ATP2B2: variants seen among roughly 807,000 people sequenced by gnomAD.
ATP2B2 encodes ATPase plasma membrane Ca2+ transporting 2.
A neutral mutation model predicts 120.0 loss-of-function variants in ATP2B2; 15 were observed. The ratio of observed to expected loss-of-function variants is 0.12; its 90% confidence interval spans 0.08 to 0.19. The LOEUF (loss-of-function observed/expected upper bound fraction) is 0.19, where lower values mean the gene tolerates loss of function less well. Among genes scored for constraint, ATP2B2 ranks in the 10% least tolerant of loss-of-function variants. The pLI is 1.00. For missense variants in ATP2B2, 1,045 were observed against 1,719.8 expected, an observed-to-expected ratio of 0.61 and a Z score of 6.94; for synonymous variants, 694 against 700.3, an observed-to-expected ratio of 0.99 and a Z score of 0.14.
chr3:10,390,498 T>TTGTGTG (rs61552990), intron 5 of ATP2B2, among the ~76,000 whole-genome samples: 75 of 148,316 alleles, frequency 5.1e-4, no homozygotes, highest in African/African-American at 1.1e-3. Flanking sequence ...GTGCATGCTT[T>TTGTGTG]TGTGTGTGTG....
At chr3:10,633,204 T>C (rs1018355555) in intron 1 of ATP2B2, among the ~76,000 whole-genome samples, 1 of 152,224 alleles carries the variant, frequency 6.6e-6, no homozygotes, top group African/African-American at 2.4e-5. Context: ...AAATGAGAAT[T>C]CTAATGGCTG....
chr3:10,332,093 C>A (rs759846117), intron 22 of ATP2B2: 16 of 1,490,586 alleles, frequency 1.1e-5, no homozygotes, highest in South Asian at 7.3e-5. Context: ...GGGTTCCCCC[C>A]ACAAAGCAAG....
chr3:10,435,687 C>G (rs78236951), intron 2 of ATP2B2, among the ~76,000 whole-genome samples: 1,810 of 152,168 alleles, frequency 0.012, 38 homozygotes, highest in African/African-American at 0.042. Context: ...TACTTACACT[C>G]TGGAGAAGGT....
At chr3:10,674,006 G>A (rs1176016006) in intron 1 of ATP2B2, among the ~76,000 whole-genome samples, 1 of 150,536 alleles carries the variant, frequency 6.6e-6, no homozygotes, top group Non-Finnish European at 1.5e-5. Context: ...AAAAAAAAAA[G>A]AAGCCAATAT....
At chr3:10,648,519 C>T (rs2070376838) in intron 1 of ATP2B2, among the ~76,000 whole-genome samples, 1 of 152,298 alleles carries the variant, frequency 6.6e-6, no homozygotes, top group South Asian at 2.1e-4. Flanking sequence ...TTTCTATCTC[C>T]AACCCATACT....
intron 1 of ATP2B2, among the ~76,000 whole-genome samples, chr3:10,457,188 A>C (rs2064295859): frequency 6.6e-6 from 1 of 151,710 alleles, no homozygotes; most frequent in Admixed American, 6.6e-5. Flanking sequence ...GTGAGTGTGC[A>C]TGGCTAGTGT....
At chr3:10,652,521 G>A (rs1419109225) in intron 1 of ATP2B2, among the ~76,000 whole-genome samples, 1 of 152,166 alleles carries the variant, frequency 6.6e-6, no homozygotes, top group Non-Finnish European at 1.5e-5. Flanking sequence ...CATAAGTACT[G>A]TATGTAGAGA....
chr3:10,599,742 C>T (rs1242049689), intron 2 of ATP2B2, among the ~76,000 whole-genome samples: 1 of 143,694 alleles, frequency 7.0e-6, no homozygotes, highest in Non-Finnish European at 1.5e-5. Context: ...GTGATCTGTG[C>T]CAGAACTGCA....
intron 2 of ATP2B2, among the ~76,000 whole-genome samples, chr3:10,415,540 G>C (rs2062751183): frequency 6.6e-6 from 1 of 152,208 alleles, no homozygotes; most frequent in Non-Finnish European, 1.5e-5. Flanking sequence ...GGTATCCAAA[G>C]ACAGGGGTTT....
chr3:10,529,643 A>C (rs2067169429), intron 3 of ATP2B2, among the ~76,000 whole-genome samples: 1 of 152,210 alleles, frequency 6.6e-6, no homozygotes, highest in Non-Finnish European at 1.5e-5. Context: ...GCTTCAAATC[A>C]TTATGATAGG....
intron 1 of ATP2B2, among the ~76,000 whole-genome samples, chr3:10,487,717 T>G (rs73024730): frequency 6.6e-6 from 1 of 152,168 alleles, no homozygotes; most frequent in African/African-American, 2.4e-5. Context: ...ACAGAGAGAA[T>G]TGGCCGTTAA....
At chr3:10,362,574 G>C (rs891130084) in intron 12 of ATP2B2, among the ~76,000 whole-genome samples, 23 of 152,244 alleles carry the variant, frequency 1.5e-4, no homozygotes, top group African/African-American at 5.5e-4. Flanking sequence ...AGTGGATGTG[G>C]TGAGGGAGGG....
intron 10 of ATP2B2, among the ~76,000 whole-genome samples, chr3:10,376,430 C>CT (rs35421411): frequency 3.3e-5 from 5 of 151,902 alleles, no homozygotes; most frequent in East Asian, 3.9e-4. Context: ...CAGCAGGTGG[C>CT]TTTTTTTTGG....
intron 2 of ATP2B2, among the ~76,000 whole-genome samples, chr3:10,571,526 G>A (rs1305931296): frequency 2.6e-5 from 4 of 152,252 alleles, no homozygotes; most frequent in African/African-American, 4.8e-5. Flanking sequence ...AGCAAGGCAT[G>A]GACATGGGCA....
chr3:10,693,311 G>A (rs2071697048), intron 1 of ATP2B2, among the ~76,000 whole-genome samples: 1 of 152,200 alleles, frequency 6.6e-6, no homozygotes, highest in African/African-American at 2.4e-5. Flanking sequence ...ATGGCTAAGG[G>A]CCTCCTGCTT....
At chr3:10,379,600 G>C (rs1174494950) in intron 8 of ATP2B2, among the ~76,000 whole-genome samples, 1 of 152,204 alleles carries the variant, frequency 6.6e-6, no homozygotes, top group Non-Finnish European at 1.5e-5. Context: ...CAGGGGATTA[G>C]AGTCTGCTGG....
chr3:10,610,335 A>G (rs1238756557), intron 2 of ATP2B2, among the ~76,000 whole-genome samples: 1 of 151,890 alleles, frequency 6.6e-6, no homozygotes, highest in Admixed American at 6.6e-5. Context: ...GCTGGCCTCT[A>G]GATCACAGAT....
At chr3:10,411,823 T>A (rs1475768118) in intron 2 of ATP2B2, among the ~76,000 whole-genome samples, 1 of 152,184 alleles carries the variant, frequency 6.6e-6, no homozygotes, top group Non-Finnish European at 1.5e-5. Context: ...ACACTGGTAC[T>A]TTCTCCTCTT....
intron 1 of ATP2B2, among the ~76,000 whole-genome samples, chr3:10,662,548 T>C (rs1212849118): frequency 1.2e-4 from 18 of 145,756 alleles, no homozygotes; most frequent in South Asian, 4.3e-4. Flanking sequence ...TGAGATGCCA[T>C]CTCACACCAG....
Sources: allele counts gnomAD v4.1 joint callset (sites outside exome capture counted in the v4.1 genomes callset), GRCh38; gene constraint gnomAD v4.1.1; transcripts MANE v1.5; gene names NCBI Gene and HGNC (gene_info 2026-07-23, HGNC 2026-07-21).